NTNG1: variants seen among roughly 807,000 people sequenced by gnomAD.
NTNG1 encodes netrin-G1.
NTNG1 carries 16 observed loss-of-function variants against 54.0 expected under a neutral mutation model. The ratio of observed to expected loss-of-function variants is 0.30; its 90% CI spans 0.20 to 0.45. NTNG1 has a LOEUF of 0.45. NTNG1 is among the 20% of genes least tolerant of loss of function. The pLI is 1.00. For synonymous variants in NTNG1, 255 were observed against 263.1 expected, an observed-to-expected ratio of 0.97 and a Z score of 0.30; for missense variants, 530 against 678.7, an observed-to-expected ratio of 0.78 and a Z score of 2.43.
intron 2 of NTNG1, among the ~76,000 whole-genome samples, chr1:107,284,241 A>G (rs114899052): frequency 6.6e-6 from 1 of 152,240 alleles, no homozygotes; most frequent in Non-Finnish European, 1.5e-5. Flanking sequence ...CAAATAAAGT[A>G]ACTATTATAG....
In NTNG1 at chr1:107,482,436, T is replaced by G. The variant is rs1678786756; in HGVS notation, c.*1596T>G. ...TGTAATAAATTCTTGTTTCTGCCTT[T>G]TATTAGGCCAATTACTGTGCAAGAC... On this transcript the variant is annotated 3_prime_UTR_variant, in exon 8 of 8. Coordinates refer to ENST00000370068, the MANE Select transcript of NTNG1 (RefSeq NM_001113226.3). The G allele has an allele frequency of 6.6e-6, 1 of 152,230 alleles. No homozygotes were observed. Among genetic ancestry groups the G allele is most frequent in the Admixed American group, 6.5e-5 (1 of 15,288 alleles). The allele number at this position is 152,230 out of a possible 1,614,324, so 9.4% of individuals were successfully genotyped here.
chr1:107,152,281 C>T (rs1654637566), intron 2 of NTNG1, among the ~76,000 whole-genome samples: 1 of 152,008 alleles, frequency 6.6e-6, no homozygotes, highest in Non-Finnish European at 1.5e-5. Flanking sequence ...ATCTTTTCAG[C>T]CACATTGAAA....
At chr1:107,430,311 G>A (rs1255604875) in intron 5 of NTNG1, among the ~76,000 whole-genome samples, 1 of 152,110 alleles carries the variant, frequency 6.6e-6, no homozygotes, top group East Asian at 1.9e-4. Flanking sequence ...CATGGTGATG[G>A]TACTTAGACT....
At chr1:107,282,698 A>ATTATATTAT (rs1215284529) in intron 2 of NTNG1, among the ~76,000 whole-genome samples, 4 of 152,146 alleles carry the variant, frequency 2.6e-5, no homozygotes, top group Non-Finnish European at 5.9e-5. Flanking sequence ...GATCCCAACG[A>ATTATATTAT]TTATATTATA....
chr1:107,426,265 T>C (rs1674904337), intron 5 of NTNG1, among the ~76,000 whole-genome samples: 1 of 152,074 alleles, frequency 6.6e-6, no homozygotes, highest in African/African-American at 2.4e-5. Flanking sequence ...TGCAAAAGAG[T>C]TTCTCCCAGG....
rs1165271800 is a variant in NTNG1, at chr1:107,301,661, C to T, written c.247-22621C>T. On this transcript the variant is annotated intron_variant, in intron 2 of 7. Transcript: ENST00000370068. ...GATGTTCCAGTTTTTTCCTCAACTCCCATAATGGACTACTTTGTTCCTTCT... is the reference window on the plus strand; with the variant it reads ...GATGTTCCAGTTTTTTCCTCAACTCTCATAATGGACTACTTTGTTCCTTCT... 1.3e-5 allele frequency among the ~76,000 whole-genome samples: 2 copies of T among 152,096 alleles called. 1 individual carries two copies. The highest frequency in any genetic ancestry group is 4.1e-4 in the South Asian group (2 of 4,830).
chr1:107,333,709 T>C (rs1668413166), intron 3 of NTNG1, among the ~76,000 whole-genome samples: 1 of 151,930 alleles, frequency 6.6e-6, no homozygotes, highest in South Asian at 2.1e-4. Context: ...AACAGATTGA[T>C]TTTTCAAAGC....
chr1:107,155,797 A>G (rs564374126), intron 2 of NTNG1, among the ~76,000 whole-genome samples: 1 of 152,326 alleles, frequency 6.6e-6, no homozygotes, highest in Admixed American at 6.5e-5. Context: ...CATGCACTAC[A>G]TAATGATGTT....
intron 2 of NTNG1, among the ~76,000 whole-genome samples, chr1:107,221,184 A>C (rs941828827): frequency 6.6e-6 from 1 of 151,690 alleles, no homozygotes; most frequent in Middle Eastern, 3.2e-3. Context: ...TTTTTTTACT[A>C]TGAAAAAGGC....
chr1:107,142,474 C>T (rs1034643575), intron 1 of NTNG1, among the ~76,000 whole-genome samples: 2 of 151,954 alleles, frequency 1.3e-5, no homozygotes, highest in East Asian at 1.9e-4. Context: ...AGACGGTCCT[C>T]CTCTCTCACC....
chr1:107,320,988 T>C (rs1348755628), intron 2 of NTNG1, among the ~76,000 whole-genome samples: 1 of 152,134 alleles, frequency 6.6e-6, no homozygotes, highest in Non-Finnish European at 1.5e-5. Context: ...GAAACTGTCA[T>C]TCTGATCAAC....
Position 107,399,136 on chromosome 1 carries a change from T to C in NTNG1, c.1060+3810T>C, listed in dbSNP as rs569091057. On this transcript the variant is annotated intron_variant, in intron 4 of 7. Coordinates refer to ENST00000370068, the MANE Select transcript of NTNG1 (RefSeq NM_001113226.3). ...TATACTATAGACTATTCATATTACA[T>C]TACTATAATAGAAACATTTGAAAAG... 5.3e-5 allele frequency among the ~76,000 whole-genome samples: 8 copies of C among 152,258 alleles called. No homozygotes were observed. In the East Asian group the frequency reaches 1.5e-3, roughly 29 times the overall value.
rs1678694667 is a variant in NTNG1 at position 107,481,218 on chromosome 1, C to CCAAAT, written c.*378_*379insCAAAT. 4.2e-6 allele frequency: 1 copy of CCAAAT among 236,320 alleles called. No individual in the cohort carries two copies. The highest frequency in any genetic ancestry group is 2.2e-5 in the African/African-American group (1 of 45,038). 14.6% of individuals were successfully genotyped at this position (236,320 alleles called of 1,614,324 possible). On this transcript the variant is annotated 3_prime_UTR_variant, in exon 8 of 8. Transcript: ENST00000370068. ...TGGTGCGCCCTAGTACGACTCCGCCCAGTGTGTGGACCAACCAAATAGCAT... is the reference window on the plus strand; with the variant it reads ...TGGTGCGCCCTAGTACGACTCCGCCCCAAATAGTGTGTGGACCAACCAAATAGCAT...
chr1:107,351,955 G>C (rs1669640794), intron 3 of NTNG1, among the ~76,000 whole-genome samples: 1 of 152,014 alleles, frequency 6.6e-6, no homozygotes, highest in Non-Finnish European at 1.5e-5. Context: ...AACCCAACAT[G>C]GTAGTCATTA....
chr1:107,235,787 CT>C (rs1661370256), intron 2 of NTNG1, among the ~76,000 whole-genome samples: 1 of 152,110 alleles, frequency 6.6e-6, no homozygotes, highest in Non-Finnish European at 1.5e-5. Context: ...ATTGGGAATG[CT>C]GCAGCCAGGG....
At chr1:107,180,805 G>A (rs1657004382) in intron 2 of NTNG1, among the ~76,000 whole-genome samples, 1 of 152,094 alleles carries the variant, frequency 6.6e-6, no homozygotes, top group Non-Finnish European at 1.5e-5. Context: ...GATTAATAAT[G>A]GATATATGTG....
intron 5 of NTNG1, among the ~76,000 whole-genome samples, chr1:107,416,047 A>T (rs1674176101): frequency 6.6e-6 from 1 of 152,190 alleles, no homozygotes; most frequent in South Asian, 2.1e-4. Flanking sequence ...TTAAGATGAG[A>T]TATTAACTTA....
At chr1:107,423,662 T>C (rs1473130360) in intron 5 of NTNG1, among the ~76,000 whole-genome samples, 1 of 152,092 alleles carries the variant, frequency 6.6e-6, no homozygotes, top group Admixed American at 6.6e-5. Flanking sequence ...TGAAATGCAA[T>C]TTGACATTAA....
chr1:107,247,947 C>T (rs754127586), intron 2 of NTNG1, among the ~76,000 whole-genome samples: 2 of 152,214 alleles, frequency 1.3e-5, no homozygotes, highest in Non-Finnish European at 2.9e-5. Flanking sequence ...GGCTCAGACT[C>T]ACCAACTACA....
Sources: gnomAD v4.1 joint callset for allele counts (sites outside exome capture counted in the v4.1 genomes callset) on GRCh38, gnomAD v4.1.1 for gene constraint, MANE v1.5 for transcripts, NCBI Gene and HGNC (gene_info 2026-07-23, HGNC 2026-07-21) for gene names.